Variants in SANBR observed in about 807,000 individuals in gnomAD.
SANBR encodes SANT and BTB domain regulator of CSR, also known as SANT and BTB domain regulator of class switch recombination.
Under a neutral mutation model 101.8 loss-of-function variants are expected in SANBR, and 77 were observed. That is an observed-to-expected ratio of 0.76 (90% confidence interval 0.63 to 0.91). The LOEUF is 0.91. Among genes scored for constraint, SANBR ranks in the 40% least tolerant of loss-of-function variants. The pLI is 0.00. For missense variants in SANBR, 875 were observed against 853.0 expected (o/e 1.03, Z -0.32); for synonymous variants, 279 against 274.7 (o/e 1.02, Z -0.15).
At chr2:61,101,001 G>T (rs987941912) in intron 12 of SANBR, among the ~76,000 whole-genome samples, 2 of 152,146 alleles carry the variant, frequency 1.3e-5, no homozygotes, top group Admixed American at 6.5e-5. Flanking sequence ...TGGGATATTG[G>T]CGTGAATGTT....
chr2:61,105,612 C>T (rs373376739), intron 13 of SANBR, among the ~76,000 whole-genome samples: 3 of 151,970 alleles, frequency 2.0e-5, no homozygotes, highest in Non-Finnish European at 2.9e-5. Flanking sequence ...GTGAACCACC[C>T]GCCTCTGCCT....
chr2:61,136,970 AAAC>A (rs141096218), intron 21 of SANBR, among the ~76,000 whole-genome samples: 4,312 of 151,460 alleles, frequency 0.028, 196 homozygotes, highest in African/African-American at 0.093. Flanking sequence ...ACTGTCTCCA[AAAC>A]AACAACAACA....
intron 10 of SANBR, 76 bp from the exon 11 acceptor site, chr2:61,092,388 G>T (rs1682805951): frequency 1.7e-6 from 2 of 1,155,264 alleles, no homozygotes; most frequent in African/African-American, 3.2e-5. Context: ...CCATCTCAAA[G>T]AAGATAATAA....
intron 10 of SANBR, chr2:61,089,149 G>A (rs569949092): frequency 8.1e-6 from 8 of 984,798 alleles, no homozygotes; most frequent in Non-Finnish European, 9.6e-6. Context: ...GTAAATTTTG[G>A]TGAGGAAAAT....
rs545952387 is a variant in SANBR at position 61,106,764 on chromosome 2, A to G, written c.1611+102A>G. 1.6e-4 allele frequency: 104 copies of G among 670,348 alleles called. 1 individual carries two copies. The highest frequency in any genetic ancestry group is 1.1e-3 in the South Asian group (48 of 44,656). 41.5% of individuals were successfully genotyped at this position (670,348 alleles called of 1,614,324 possible). ...AGTTTAAGTTGAAATTGAACTGACT[A>G]CCTAATCATAAGAAGGTATTATGCC... On this transcript the variant is annotated intron_variant, in intron 14 of 21. Transcript: ENST00000402291.
At chr2:61,127,749 C>T (rs1045103827), downstream of SANBR, among the ~76,000 whole-genome samples, 7 of 151,834 alleles carry the variant, frequency 4.6e-5, no homozygotes, top group East Asian at 1.9e-4. Flanking sequence ...TCATTAAGCT[C>T]GCTAACATAC....
chr2:61,080,901 G>C (rs1330486099), intron 6 of SANBR, among the ~76,000 whole-genome samples: 1 of 152,142 alleles, frequency 6.6e-6, no homozygotes, highest in Non-Finnish European at 1.5e-5. Context: ...GGAGATGACA[G>C]GTTTGCTAAA....
downstream of SANBR, among the ~76,000 whole-genome samples, chr2:61,125,738 T>C (rs896637629): frequency 2.0e-5 from 3 of 152,222 alleles, no homozygotes; most frequent in Admixed American, 1.3e-4. Context: ...GCTTTGGTTA[T>C]GCTAAAGATC....
downstream of SANBR, among the ~76,000 whole-genome samples, chr2:61,127,300 G>GT (rs1684541039): frequency 2.0e-5 from 3 of 152,154 alleles, no homozygotes; most frequent in Non-Finnish European, 4.4e-5. Context: ...ATCTGCACCT[G>GT]TTGGAGTTTC....
intron 16 of SANBR, among the ~76,000 whole-genome samples, chr2:61,114,810 C>T (rs530666202): frequency 6.6e-6 from 1 of 152,294 alleles, no homozygotes; most frequent in African/African-American, 2.4e-5. Flanking sequence ...TGTGCACCAC[C>T]ATGCCCAGCT....
At chr2:61,086,368 A>G (rs116415458) in intron 8 of SANBR, among the ~76,000 whole-genome samples, 5,878 of 151,818 alleles carry the variant, frequency 0.039, 124 homozygotes, top group African/African-American at 0.04. Context: ...TAAATTAAAT[A>G]AATAAATTTA....
At chr2:61,110,137 A>G (rs775346640) in intron 16 of SANBR, among the ~76,000 whole-genome samples, 2 of 152,226 alleles carry the variant, frequency 1.3e-5, no homozygotes, top group African/African-American at 2.4e-5. Flanking sequence ...GAATAGAATC[A>G]TGAGTAATCT....
chr2:61,109,453 G>A (rs924122721), intron 16 of SANBR, among the ~76,000 whole-genome samples, 157 bp downstream of exon 16: 2 of 151,896 alleles, frequency 1.3e-5, no homozygotes, highest in Non-Finnish European at 2.9e-5. Flanking sequence ...TTCCTAACCC[G>A]GGCATGAACA....
chr2:61,123,992 G>C lies in SANBR; in HGVS notation c.*1830G>C. On this transcript the variant is annotated 3_prime_UTR_variant, in exon 22 of 22. Coordinates refer to ENST00000402291, the MANE Select transcript of SANBR (RefSeq NM_001129993.3). ...ACCTGTAGTCCCAGCTACTCGGGAG[G>C]CTGAGGCACAAGAATTGTTTGAACC... 3.0e-6 allele frequency: 1 copy of C among 334,242 alleles called. No individual in the cohort carries two copies. Among genetic ancestry groups the C allele is most frequent in the Non-Finnish European group, 4.3e-6 (1 of 234,870 alleles). The allele number at this position is 334,242 out of a possible 1,614,324, so 20.7% of individuals were successfully genotyped here.
Position 61,065,994 on chromosome 2 carries a change from G to T in SANBR, c.-180G>T, listed in dbSNP as rs1450437889. 6.6e-6 allele frequency: 1 copy of T among 152,186 alleles called. No homozygotes were observed. Among genetic ancestry groups the T allele is most frequent in the Non-Finnish European group, 1.5e-5 (1 of 68,098 alleles). The allele number at this position is 152,186 out of a possible 1,614,324, so 9.4% of individuals were successfully genotyped here. On this transcript the variant is annotated 5_prime_UTR_variant, in exon 1 of 22. Transcript: ENST00000402291. Reference sequence around the variant, plus strand: ...GCGGTGCCGACCACTGCAGGTAACAGAGGCGCTGCGAGGGCAGCCGCGGCC... The same window carrying T: ...GCGGTGCCGACCACTGCAGGTAACATAGGCGCTGCGAGGGCAGCCGCGGCC...
intron 8 of SANBR, 135 bp from the exon 9 acceptor site, chr2:61,088,024 A>C (rs1682534943): frequency 1.9e-6 from 1 of 519,268 alleles, no homozygotes; most frequent in Non-Finnish European, 3.4e-6. Context: ...GAACACTAAA[A>C]ATGTATTATA....
rs754506825 is a variant in SANBR at position 61,134,137 on chromosome 2, A to C, written c.2029A>C (p.Thr677Pro). 3.7e-6 allele frequency: 6 copies of C among 1,614,080 alleles called. No homozygotes were observed. In the Admixed American group the frequency reaches 6.7e-5, roughly 18 times the overall value. Residue 677 changes from threonine (T) to proline (P), a missense_variant and splice_region_variant, in exon 21 of 22, where the codon ACA becomes CCA. Coordinates refer to the SANBR transcript ENST00000295031. ...AGTGTTATTATCTGCTTTTTTACAGACAGACAAACTGAGACCCAGAGACGG... is the reference window on the plus strand; with the variant it reads ...AGTGTTATTATCTGCTTTTTTACAGCCAGACAAACTGAGACCCAGAGACGG...
chr2:61,117,955 C>A, intron 19 of SANBR, 73 bp from the exon 20 acceptor site: 1 of 1,081,532 alleles, frequency 9.2e-7, no homozygotes, highest in Non-Finnish European at 1.4e-6. Context: ...TAGGTGATTA[C>A]AGTCTTTTTG....
At chr2:61,137,563 T>C (rs1395500093) in exon 22 of SANBR, 1 of 152,294 alleles carries the variant, frequency 6.6e-6, no homozygotes, top group Non-Finnish European at 1.5e-5. Context: ...GGAAGCCTTA[T>C]AGATATTTTT....
Sources: allele counts gnomAD v4.1 joint callset (sites outside exome capture counted in the v4.1 genomes callset), GRCh38; gene constraint gnomAD v4.1.1; transcripts MANE v1.5; gene names NCBI Gene and HGNC (gene_info 2026-07-23, HGNC 2026-07-21).